CA10: variants seen among roughly 807,000 people sequenced by gnomAD.
CA10 encodes the protein carbonic anhydrase-related protein 10.
A neutral mutation model predicts 44.2 loss-of-function variants in CA10; 14 were observed. The observed-to-expected ratio is 0.32, with a 90% CI of 0.21 to 0.50. The LOEUF (loss-of-function observed/expected upper bound fraction) is 0.50, where lower values mean the gene tolerates loss of function less well. Among genes scored for constraint, CA10 ranks in the 20% least tolerant of loss-of-function variants. CA10 has a pLI of 0.99. For synonymous variants in CA10, 159 were observed against 141.6 expected (o/e 1.12, Z -0.87); for missense variants, 350 against 409.7 (o/e 0.85, Z 1.26).
At chr17:51,996,639 T>C (rs940218270) in intron 2 of CA10, among the ~76,000 whole-genome samples, 15 of 152,078 alleles carry the variant, frequency 9.9e-5, no homozygotes, top group South Asian at 2.1e-4. Context: ...AAATTATCTG[T>C]AGCTCACAGC....
At chr17:52,025,117 T>C (rs1222576469) in intron 2 of CA10, among the ~76,000 whole-genome samples, 4 of 152,026 alleles carry the variant, frequency 2.6e-5, no homozygotes, top group Admixed American at 2.0e-4. Flanking sequence ...TAAATATACA[T>C]ACATACTGTA....
intron 1 of CA10, among the ~76,000 whole-genome samples, chr17:52,100,637 T>G (rs528870821): frequency 6.6e-6 from 1 of 152,312 alleles, no homozygotes; most frequent in East Asian, 1.9e-4. Context: ...TTATCCTGTC[T>G]CAGTTCTCCC....
rs187218315 is a variant in CA10, at chr17:52,106,988, C to A, written c.62-34595G>T. Among the ~76,000 whole-genome samples, 36 of 152,232 alleles carry A rather than the reference C, an allele frequency of 2.4e-4. 1 individual carries two copies. In the Middle Eastern group the frequency reaches 0.01, roughly 43 times the overall value. Reference sequence around the variant, plus strand: ...GGGGAGACTCCTGTATATAAAACCCCAAATTGTCTACTCTGTTTTTGAATA... The same window carrying A: ...GGGGAGACTCCTGTATATAAAACCCAAAATTGTCTACTCTGTTTTTGAATA... On this transcript the variant is annotated intron_variant, in intron 1 of 8. Coordinates refer to ENST00000451037, the MANE Select transcript of CA10 (RefSeq NM_020178.5).
intron 2 of CA10, among the ~76,000 whole-genome samples, chr17:52,068,528 C>T (rs1987595537): frequency 6.6e-6 from 1 of 152,226 alleles, no homozygotes; most frequent in Admixed American, 6.5e-5. Flanking sequence ...TACTCCTGAA[C>T]CTTGTCAAGA....
intron 2 of CA10, among the ~76,000 whole-genome samples, chr17:51,936,370 T>C (rs1982865038): frequency 6.6e-6 from 1 of 152,118 alleles, no homozygotes; most frequent in South Asian, 2.1e-4. Context: ...GATCATAGCT[T>C]AAAGCATGTA....
chr17:51,716,709 G>A (rs1916125267), intron 4 of CA10, among the ~76,000 whole-genome samples: 1 of 152,172 alleles, frequency 6.6e-6, no homozygotes, highest in Non-Finnish European at 1.5e-5. Flanking sequence ...ATTTAAGCAT[G>A]TGCCGTGTAC....
At chr17:52,017,605 C>T (rs181725599) in intron 2 of CA10, among the ~76,000 whole-genome samples, 49 of 152,122 alleles carry the variant, frequency 3.2e-4, no homozygotes, top group Admixed American at 9.8e-4. Context: ...GTTAATTAGA[C>T]GCACATGCAA....
At chr17:51,715,499 G>A (rs1219214778) in intron 4 of CA10, among the ~76,000 whole-genome samples, 3 of 152,076 alleles carry the variant, frequency 2.0e-5, no homozygotes, top group Non-Finnish European at 2.9e-5. Context: ...TGTTGATACA[G>A]GCATGCAATG....
intron 4 of CA10, among the ~76,000 whole-genome samples, chr17:51,708,365 T>C (rs760680420): frequency 3.9e-5 from 6 of 152,184 alleles, no homozygotes; most frequent in Non-Finnish European, 7.3e-5. Context: ...TCAATATCAA[T>C]ATGCAACTTG....
chr17:51,820,411 CCCCCCCCG>C (rs1162146305), intron 3 of CA10, among the ~76,000 whole-genome samples: 3 of 92,196 alleles, frequency 3.3e-5, no homozygotes, highest in Admixed American at 1.0e-4. Context: ...CCCTACCCCC[CCCCCCCCG>C]CCCGCCGATT....
intron 2 of CA10, among the ~76,000 whole-genome samples, chr17:51,958,350 ATGTT>A (rs1344062910): frequency 6.6e-6 from 1 of 151,658 alleles, no homozygotes; most frequent in East Asian, 1.9e-4. Context: ...CAAATTGTGT[ATGTT>A]TGAGTGGGTA....
chr17:51,740,252 G>A (rs1397152174), intron 4 of CA10, among the ~76,000 whole-genome samples: 1 of 152,124 alleles, frequency 6.6e-6, no homozygotes, highest in Non-Finnish European at 1.5e-5. Context: ...CTCTGTGACT[G>A]TAGGGAGTTA....
At chr17:51,791,727 G>C (rs540006647) in intron 3 of CA10, among the ~76,000 whole-genome samples, 15 of 152,224 alleles carry the variant, frequency 9.9e-5, no homozygotes, top group African/African-American at 3.6e-4. Context: ...TACTGTGGTG[G>C]AATCAGCTGT....
chr17:51,787,964 T>C (rs1335359785), intron 3 of CA10, among the ~76,000 whole-genome samples: 1 of 152,204 alleles, frequency 6.6e-6, no homozygotes, highest in Non-Finnish European at 1.5e-5. Flanking sequence ...TTATTTCTGC[T>C]CTGTTATTTA....
chr17:51,871,770 C>T (rs977363079), intron 3 of CA10, among the ~76,000 whole-genome samples: 2 of 151,982 alleles, frequency 1.3e-5, no homozygotes, highest in African/African-American at 4.8e-5. Context: ...GTCAGCATTA[C>T]TTACTGAGCA....
At chr17:51,875,134 C>T (rs1260688155) in intron 3 of CA10, among the ~76,000 whole-genome samples, 1 of 152,036 alleles carries the variant, frequency 6.6e-6, no homozygotes, top group East Asian at 1.9e-4. Flanking sequence ...ACACCACCCC[C>T]AGCTAATTTC....
intron 2 of CA10, among the ~76,000 whole-genome samples, chr17:51,993,369 G>A (rs1298821628): frequency 8.6e-5 from 13 of 152,024 alleles, no homozygotes; most frequent in Admixed American, 5.9e-4. Context: ...AATGTTATAC[G>A]GACCTCTTCT....
At chr17:51,642,111 G>A (rs1913115169) in intron 6 of CA10, among the ~76,000 whole-genome samples, 1 of 152,202 alleles carries the variant, frequency 6.6e-6, no homozygotes, top group South Asian at 2.1e-4. Flanking sequence ...AACAATAAAT[G>A]ATAAAAGGGA....
At chr17:52,007,597 A>G (rs1003867270) in intron 2 of CA10, among the ~76,000 whole-genome samples, 8 of 151,670 alleles carry the variant, frequency 5.3e-5, no homozygotes, top group African/African-American at 1.9e-4. Context: ...GACTTAAAAA[A>G]TAGTTCAATG....
Sources: allele counts gnomAD v4.1 joint callset (sites outside exome capture counted in the v4.1 genomes callset), GRCh38; gene constraint gnomAD v4.1.1; transcripts MANE v1.5; gene names NCBI Gene and HGNC (gene_info 2026-07-23, HGNC 2026-07-21).